CHD7: variants seen among roughly 807,000 people sequenced by gnomAD.
CHD7 encodes the protein chromodomain helicase DNA binding protein 7.
A neutral mutation model predicts 307.3 loss-of-function variants in CHD7; 24 were observed. That is an observed-to-expected ratio of 0.08 (90% CI 0.06 to 0.11). The LOEUF is 0.11. Among genes scored for constraint, CHD7 ranks in the 10% least tolerant of loss-of-function variants. The pLI, the probability that CHD7 is intolerant of heterozygous loss-of-function variation, is 1.00. For synonymous variants in CHD7, 1,363 were observed against 1,349.9 expected (o/e 1.01, Z -0.21); for missense variants, 3,106 against 3,727.1 (o/e 0.83, Z 4.34).
At chr8:60,725,001 T>A (rs760670298) in intron 1 of CHD7, among the ~76,000 whole-genome samples, 13 of 152,326 alleles carry the variant, frequency 8.5e-5, no homozygotes, top group Non-Finnish European at 1.5e-4. Context: ...GAACAGAAAT[T>A]CAAATTTTGG....
chr8:60,777,791 T>C (rs1003281175), intron 2 of CHD7, among the ~76,000 whole-genome samples: 4 of 152,234 alleles, frequency 2.6e-5, no homozygotes, highest in African/African-American at 9.6e-5. Context: ...GTATCAGTTA[T>C]GCTGTTTAAG....
rs953147471 is a variant in CHD7 at position 60,858,006 on chromosome 8, A to G, written c.7608+1118A>G. Among the ~76,000 whole-genome samples, 7 of 152,268 alleles carry G rather than the reference A, an allele frequency of 4.6e-5. No individual in the cohort carries two copies. In the South Asian group the frequency reaches 1.4e-3, roughly 31 times the overall value. On this transcript the variant is annotated intron_variant, in intron 34 of 37. Coordinates refer to ENST00000423902, the MANE Select transcript of CHD7 (RefSeq NM_017780.4). ...CATGGTGGCTCACGCCTGTAATCCCAGCACTCTGGGAGGCCAAGGCAGGTG... is the reference window on the plus strand; with the variant it reads ...CATGGTGGCTCACGCCTGTAATCCCGGCACTCTGGGAGGCCAAGGCAGGTG...
intron 1 of CHD7, among the ~76,000 whole-genome samples, chr8:60,688,544 C>T (rs921340078): frequency 2.0e-5 from 3 of 152,066 alleles, no homozygotes; most frequent in African/African-American, 7.2e-5. Flanking sequence ...TCTTTATGTC[C>T]TTTGTCCATC....
chr8:60,842,832 C>A (rs1428865603), intron 21 of CHD7, among the ~76,000 whole-genome samples: 2 of 152,156 alleles, frequency 1.3e-5, no homozygotes, highest in Non-Finnish European at 2.9e-5. Context: ...TCTTCTGGGA[C>A]CTTGTCTTCT....
chr8:60,841,277 G>A (rs1322707089), intron 19 of CHD7, among the ~76,000 whole-genome samples: 1 of 152,188 alleles, frequency 6.6e-6, no homozygotes, highest in Non-Finnish European at 1.5e-5. Flanking sequence ...ATTTCCACAT[G>A]CTTTCCTGTT....
chr8:60,680,023 C>T (rs1191512199), intron 1 of CHD7, among the ~76,000 whole-genome samples: 1 of 151,558 alleles, frequency 6.6e-6, no homozygotes, highest in Non-Finnish European at 1.5e-5. Flanking sequence ...GGGGACCCCA[C>T]CTTGTCGAGC....
rs1192272840 is a variant in CHD7, at chr8:60,865,238, C to T, written c.8299C>T (p.Leu2767Phe). ...TCAGAATCTCCAGAATCTCCAGTCG[C>T]TCCAGCTGGCAGGCCTCATGGGCTT... ...SLQNLQNLQSLQLAGLMGFPP... is the reference protein window; with the variant it reads ...SLQNLQNLQSFQLAGLMGFPP... Residue 2767 changes from leucine (L) to phenylalanine (F), a missense_variant, in exon 38 of 38, where the codon CTC becomes TTC. Around this residue, in one of 10 missense-constraint regions of CHD7, gnomAD observed 351 missense variants for 366.2 expected, o/e 0.96. Transcript: ENST00000423902. The surrounding 1 kb of genome is among the most constrained non-coding windows in gnomAD (Gnocchi z 4.3). 2 of 1,607,888 alleles carry T rather than the reference C, an allele frequency of 1.2e-6. No individual in the cohort carries two copies. The highest frequency in any genetic ancestry group is 1.7e-5 in the Admixed American group (1 of 59,076).
chr8:60,864,359 A>G (rs1271257380), intron 37 of CHD7: 3 of 152,268 alleles, frequency 2.0e-5, no homozygotes, highest in Non-Finnish European at 4.4e-5. Context: ...GGCTCAAGAA[A>G]TCCTCTAGTC....
intron 1 of CHD7, among the ~76,000 whole-genome samples, chr8:60,697,434 T>G (rs1806535840): frequency 6.6e-6 from 1 of 152,192 alleles, no homozygotes. Flanking sequence ...ATATCTTCTA[T>G]AGCAAACAGA....
chr8:60,861,171 T>C, intron 35 of CHD7, 46 bp downstream of exon 35: 1 of 1,387,996 alleles, frequency 7.2e-7, no homozygotes. Flanking sequence ...TGCAGGCCGG[T>C]CCACTTCATT....
intron 1 of CHD7, among the ~76,000 whole-genome samples, chr8:60,735,194 A>G (rs1217592970): frequency 1.3e-5 from 2 of 152,230 alleles, no homozygotes; most frequent in Non-Finnish European, 2.9e-5. Flanking sequence ...TTTTAAATGA[A>G]TGATGACAGG....
In CHD7 at chr8:60,682,522, A is replaced by G. The variant is rs181659540; in HGVS notation, c.-175+3440A>G. ...AGTTAGTGTAGTTCTTTCAAACCTA[A>G]GATTACAGCATTGTATTCCATATGC... On this transcript the variant is annotated intron_variant, in intron 1 of 37. Coordinates refer to ENST00000423902, the MANE Select transcript of CHD7 (RefSeq NM_017780.4). 4.8e-3 allele frequency among the ~76,000 whole-genome samples: 737 copies of G among 152,320 alleles called. 14 individuals carry two copies. The highest frequency in any genetic ancestry group is 1.1e-3 in the Non-Finnish European group (76 of 68,030).
intron 1 of CHD7, among the ~76,000 whole-genome samples, chr8:60,721,256 C>T (rs970802068): frequency 1.3e-4 from 20 of 152,132 alleles, no homozygotes; most frequent in African/African-American, 4.6e-4. Context: ...AGGTAGGATC[C>T]TGATCTGACA....
intron 34 of CHD7, among the ~76,000 whole-genome samples, chr8:60,858,317 A>G (rs1007637430): frequency 5.3e-5 from 8 of 152,202 alleles, no homozygotes; most frequent in African/African-American, 1.7e-4. Context: ...CATAATGGTC[A>G]TATTTGTTGA....
intron 1 of CHD7, among the ~76,000 whole-genome samples, chr8:60,705,675 T>C (rs1171083823): frequency 6.6e-6 from 1 of 152,236 alleles, no homozygotes; most frequent in Non-Finnish European, 1.5e-5. Flanking sequence ...GAATTTGTGC[T>C]AACAGTTTGG....
rs765108382 is a variant in CHD7 at position 60,801,509 on chromosome 8, C to G, written c.2377-19C>G. 4 of 1,549,150 alleles carry G rather than the reference C, an allele frequency of 2.6e-6. No homozygotes were observed. Among genetic ancestry groups the G allele is most frequent in the Non-Finnish European group, 3.5e-6 (4 of 1,141,060 alleles). ...GAGATGTTTTCTATTTGGATTGATG[C>G]ACATGCCTTTTTTTTTAGGAATCTG... On this transcript the variant is annotated intron_variant, in intron 5 of 37. Coordinates refer to ENST00000423902, the MANE Select transcript of CHD7 (RefSeq NM_017780.4).
At chr8:60,830,244 C>A (rs1804446149) in intron 14 of CHD7, 78 bp from the exon 15 acceptor site, 3 of 1,397,906 alleles carry the variant, frequency 2.1e-6, no homozygotes, top group African/African-American at 2.9e-5. Flanking sequence ...ATGAGATAAT[C>A]CTGATGTTTC....
At chr8:60,708,503 G>T (rs1482617419) in intron 1 of CHD7, among the ~76,000 whole-genome samples, 2 of 152,242 alleles carry the variant, frequency 1.3e-5, no homozygotes, top group East Asian at 3.9e-4. Context: ...AACCAGCTTT[G>T]CATTTAACCC....
intron 3 of CHD7, among the ~76,000 whole-genome samples, chr8:60,794,672 A>G (rs1466314754): frequency 2.0e-5 from 3 of 152,230 alleles, no homozygotes; most frequent in Non-Finnish European, 2.9e-5. Context: ...TAAAAATTCG[A>G]TAGCAAAACT....
Sources: allele counts gnomAD v4.1 joint callset (sites outside exome capture counted in the v4.1 genomes callset), GRCh38; gene constraint gnomAD v4.1.1; regional missense constraint gnomAD v4.1.1; non-coding constraint Gnocchi (gnomAD v3.1); transcripts MANE v1.5; gene names NCBI Gene and HGNC (gene_info 2026-07-23, HGNC 2026-07-21).